The following FBN2 variants were observed in gnomAD, a reference collection of about 807,000 sequenced individuals.
FBN2 encodes the protein fibrillin 2.
A neutral mutation model predicts 355.6 loss-of-function variants in FBN2; 105 were observed. The ratio of observed to expected loss-of-function variants is 0.30; its 90% CI spans 0.25 to 0.35. The LOEUF (loss-of-function observed/expected upper bound fraction) is 0.35. FBN2 is among the 10% of genes least tolerant of loss of function. The pLI is 1.00. For missense variants in FBN2, 3,280 were observed against 3,758.7 expected (o/e 0.87, Z 3.33); for synonymous variants, 1,350 against 1,301.2 (o/e 1.04, Z -0.81).
intron 4 of FBN2, among the ~76,000 whole-genome samples, chr5:128,521,178 A>G (rs564872884): frequency 9.4e-4 from 143 of 152,330 alleles, no homozygotes; most frequent in African/African-American, 3.2e-3. Context: ...ATGGAATACT[A>G]TCCAGCCATA....
intron 54 of FBN2, 147 bp downstream of exon 54, chr5:128,287,161 T>A (rs1023546356): frequency 1.0e-6 from 1 of 986,358 alleles, no homozygotes; most frequent in Non-Finnish European, 1.6e-6. Context: ...TCTTGTTATC[T>A]AGGTATGGAA....
chr5:128,425,243 C>T (rs1378186968), intron 7 of FBN2, among the ~76,000 whole-genome samples: 1 of 152,056 alleles, frequency 6.6e-6, no homozygotes, highest in Non-Finnish European at 1.5e-5. Context: ...TATTTTTTAA[C>T]AATTAAGTGA....
intron 2 of FBN2, among the ~76,000 whole-genome samples, chr5:128,533,431 CT>C (rs1756761014): frequency 6.6e-6 from 1 of 152,136 alleles, no homozygotes; most frequent in African/African-American, 2.4e-5. Context: ...CCACAACAGC[CT>C]CAGACTATGG....
At chr5:128,443,138 C>T (rs1020646460) in intron 7 of FBN2, among the ~76,000 whole-genome samples, 20 of 152,132 alleles carry the variant, frequency 1.3e-4, no homozygotes, top group Non-Finnish European at 2.9e-5. Context: ...AGAAGCATTA[C>T]CTGCAGGTGA....
chr5:128,275,055 G>A (rs968888458), intron 59 of FBN2, among the ~76,000 whole-genome samples: 7 of 152,082 alleles, frequency 4.6e-5, no homozygotes, highest in Non-Finnish European at 7.4e-5. Context: ...AAATAAAAAT[G>A]AAACAGAATC....
At chr5:128,307,305 C>G (rs1411046479) in intron 41 of FBN2, 102 bp from the exon 42 acceptor site, 1 of 775,874 alleles carries the variant, frequency 1.3e-6, no homozygotes, top group Non-Finnish European at 2.3e-6. Context: ...ACATTATTCA[C>G]AACCAGACAT....
chr5:128,368,467 C>CATATATATACACAT (rs1751840484), intron 16 of FBN2, among the ~76,000 whole-genome samples: 1 of 143,234 alleles, frequency 7.0e-6, no homozygotes, highest in Non-Finnish European at 1.5e-5. Context: ...CATATATATA[C>CATATATATACACAT]ATATATATAC....
chr5:128,312,887 T>G (rs1750096823), intron 36 of FBN2, 92 bp from the exon 37 acceptor site: 1 of 1,362,572 alleles, frequency 7.3e-7, no homozygotes, highest in African/African-American at 1.4e-5. Flanking sequence ...GAAATTCAAA[T>G]TTTGTACGTT....
rs553483770 is a variant in FBN2, at chr5:128,413,705, A to G, written c.953-4906T>C. On this transcript the variant is annotated intron_variant, in intron 7 of 64. Transcript: ENST00000262464. ...CCCTAGAGAGACTGTCCATTCTTAT[A>G]GGTACATGTCACAGAAAAAAAGCCA... 5.9e-5 allele frequency among the ~76,000 whole-genome samples: 9 copies of G among 152,306 alleles called. No individual in the cohort carries two copies. The South Asian group carries it at 1.9e-3, about 32-fold the overall frequency.
At chr5:128,263,113 C>T (rs468606) in intron 63 of FBN2, among the ~76,000 whole-genome samples, 2,158 of 152,194 alleles carry the variant, frequency 0.014, 30 homozygotes, top group Middle Eastern at 0.037. Flanking sequence ...ACGTGTGAGC[C>T]GCATTTTTAA....
chr5:128,461,369 G>C (rs903895747), intron 6 of FBN2, among the ~76,000 whole-genome samples: 1 of 152,184 alleles, frequency 6.6e-6, no homozygotes, highest in Non-Finnish European at 1.5e-5. Context: ...TGGCGAGGCT[G>C]TGGAGAAATA....
intron 6 of FBN2, among the ~76,000 whole-genome samples, chr5:128,456,754 G>T (rs1419561904): frequency 1.3e-5 from 2 of 152,080 alleles, no homozygotes; most frequent in African/African-American, 4.8e-5. Flanking sequence ...GACAACAACA[G>T]CATCAACAGC....
rs147095540 is a variant in FBN2 at position 128,377,480 on chromosome 5, T to C, written c.1849+272A>G. On this transcript the variant is annotated intron_variant, in intron 13 of 64. Transcript: ENST00000262464. The stretch of plus-strand genomic sequence containing the variant: ...GAATAACTGCGACTTACAATTTAAC[T>C]TGTAACACACAGGAAATTTTTAGAA... Among the ~76,000 whole-genome samples, 663 of 152,082 alleles carry C rather than the reference T, an allele frequency of 4.4e-3. 3 individuals are homozygous for C. Among genetic ancestry groups the C allele is most frequent in the Non-Finnish European group, 6.3e-3 (431 of 67,980 alleles).
intron 5 of FBN2, among the ~76,000 whole-genome samples, chr5:128,485,535 T>C (rs1219072208): frequency 1.3e-5 from 2 of 151,662 alleles, no homozygotes; most frequent in African/African-American, 4.9e-5. Context: ...TCAAACTCAA[T>C]GTTGAATGAA....
intron 20 of FBN2, among the ~76,000 whole-genome samples, chr5:128,351,717 T>C (rs1751373589): frequency 6.6e-6 from 1 of 152,110 alleles, no homozygotes; most frequent in Admixed American, 6.5e-5. Flanking sequence ...TAAGAGGAGT[T>C]GTCCAAGATT....
intron 6 of FBN2, among the ~76,000 whole-genome samples, chr5:128,453,970 AG>A (rs1290534918): frequency 6.6e-6 from 1 of 151,954 alleles, no homozygotes; most frequent in Non-Finnish European, 1.5e-5. Flanking sequence ...GACTGGGAGT[AG>A]AATACTCAGA....
chr5:128,273,816 G>A, intron 61 of FBN2, 24 bp downstream of exon 61: 2 of 1,610,938 alleles, frequency 1.2e-6, no homozygotes, highest in Non-Finnish European at 1.7e-6. Context: ...ATTAGATTAA[G>A]AATTTTTGAG....
intron 34 of FBN2, among the ~76,000 whole-genome samples, chr5:128,322,948 G>C (rs1750425151): frequency 6.6e-6 from 1 of 152,092 alleles, no homozygotes; most frequent in Non-Finnish European, 1.5e-5. Flanking sequence ...TTATTTCCTT[G>C]AGCAGTGGTT....
At chr5:128,527,829 A>G (rs1287338450) in intron 4 of FBN2, 43 bp downstream of exon 4, 1 of 1,324,646 alleles carries the variant, frequency 7.5e-7, no homozygotes, top group Non-Finnish European at 1.1e-6. Context: ...AATATGAAAT[A>G]TCCACCAAAT....
Sources: gnomAD v4.1 joint callset for allele counts (sites outside exome capture counted in the v4.1 genomes callset) on GRCh38, gnomAD v4.1.1 for gene constraint, MANE v1.5 for transcripts, NCBI Gene and HGNC (gene_info 2026-07-23, HGNC 2026-07-21) for gene names.